NGF: variants seen among roughly 807,000 people sequenced by gnomAD.
The protein encoded by NGF is nerve growth factor.
A neutral mutation model predicts 12.8 loss-of-function variants in NGF; 4 were observed. That is an observed-to-expected ratio of 0.31 (90% confidence interval 0.15 to 0.72). The LOEUF is 0.72. NGF is among the 30% of genes least tolerant of loss of function. NGF has a pLI of 0.69. For missense variants in NGF, 283 were observed against 330.8 expected (o/e 0.86, Z 1.12); for synonymous variants, 140 against 130.0 (o/e 1.08, Z -0.52).
chr1:115,336,824 C>A (rs1242414349), intron 1 of NGF, among the ~76,000 whole-genome samples: 8 of 152,236 alleles, frequency 5.3e-5, no homozygotes, highest in African/African-American at 1.9e-4. Flanking sequence ...CTGATGGGGT[C>A]TCCACTGTCA....
At chr1:115,311,771 T>C (rs889670379) in intron 1 of NGF, among the ~76,000 whole-genome samples, 4 of 152,200 alleles carry the variant, frequency 2.6e-5, no homozygotes, top group Non-Finnish European at 5.9e-5. Context: ...TGCTGTCTGT[T>C]TACTGAGCAT....
At chr1:115,305,019 C>A (rs182194227) in intron 1 of NGF, among the ~76,000 whole-genome samples, 1 of 152,224 alleles carries the variant, frequency 6.6e-6, no homozygotes, top group East Asian at 1.9e-4. Flanking sequence ...TCGGCCTCCA[C>A]CTTAGGCTGT....
At position 115,291,721 on chromosome 1, in the gene NGF, C is replaced by T. The variant is rs185977989; in HGVS notation, c.-13+1906G>A. Among the ~76,000 whole-genome samples, 308 of 152,272 alleles carry T rather than the reference C, an allele frequency of 2.0e-3. 2 individuals carry two copies. Among genetic ancestry groups the T allele is most frequent in the African/African-American group, 7.1e-3 (293 of 41,554 alleles). ...CCAATAATAGGATAAATTTCTCGCACGAGGTGAATGATCTTCAAAGATTCT... is the reference window on the plus strand; with the variant it reads ...CCAATAATAGGATAAATTTCTCGCATGAGGTGAATGATCTTCAAAGATTCT... On this transcript the variant is annotated intron_variant, in intron 2 of 2. Transcript: ENST00000369512.
At position 115,286,112 on chromosome 1, in the gene NGF, G is replaced by A. The variant is rs549646930; in HGVS notation, c.684C>T (p.Ala228=). 3.1e-6 allele frequency: 5 copies of A among 1,613,534 alleles called. No homozygotes were observed. The African/African-American group carries it at 4.0e-5, about 13-fold the overall frequency. ...AAWRFIRIDT[A]CVCVLSRKAV... ...CCTTCCTGCTGAGCACACACACACA[G>A]GCCGTATCTATCCGGATAAACCGCC... Residue 228 remains alanine (A), a synonymous_variant, in exon 3 of 3, where the codon GCC becomes GCT. Transcript: ENST00000369512.
chr1:115,286,470 C>G lies in NGF; in HGVS notation c.326G>C (p.Gly109Ala), dbSNP rs1471459861. 6.2e-7 allele frequency: 1 copy of G among 1,613,756 alleles called. No individual in the cohort carries two copies. The highest frequency in any genetic ancestry group is 8.5e-7 in the Non-Finnish European group (1 of 1,179,942). ...DTQDLDFEVG[G>A]AAPFNRTHRS... ...GTGAGTCCTGTTGAAGGGGGCAGCA[C>G]CACCGACCTCGAAGTCCAGATCCTG... is the stretch of plus-strand genomic sequence containing the variant. Residue 109 changes from glycine (G) to alanine (A), a missense_variant, in exon 3 of 3, where the codon GGT becomes GCT. Gly to Ala is a moderately conservative substitution (Grantham distance 60). Around this residue, in one of 2 missense-constraint regions of NGF, gnomAD observed 132 missense variants for 189.2 expected, o/e 0.70. Coordinates refer to ENST00000369512, the MANE Select transcript of NGF (RefSeq NM_002506.3).
intron 1 of NGF, among the ~76,000 whole-genome samples, chr1:115,331,617 T>C (rs1001713181): frequency 5.9e-5 from 9 of 152,230 alleles, no homozygotes; most frequent in South Asian, 2.1e-4. Flanking sequence ...GTTTTGGCTT[T>C]TCTTGAAAAG....
In NGF at chr1:115,298,577, G is replaced by A. The variant is rs1243280154; in HGVS notation, c.-136-4827C>T. ...TCCTGGGCAGAAACTAGGAGAAAGG[G>A]GGCTGCGGCTGCCCTGGTATCTTTG... On this transcript the variant is annotated intron_variant, in intron 1 of 2. Transcript: ENST00000369512. 4.6e-5 allele frequency among the ~76,000 whole-genome samples: 7 copies of A among 151,808 alleles called. No homozygotes were observed. The East Asian group carries it at 1.2e-3, about 26-fold the overall frequency.
intron 1 of NGF, among the ~76,000 whole-genome samples, chr1:115,333,123 A>G (rs752145743): frequency 2.0e-5 from 3 of 152,296 alleles, no homozygotes; most frequent in African/African-American, 4.8e-5. Flanking sequence ...AGCTCTTGAG[A>G]CCATCCTCCC....
At chr1:115,302,432 C>T (rs1416491442) in intron 1 of NGF, among the ~76,000 whole-genome samples, 1 of 152,180 alleles carries the variant, frequency 6.6e-6, no homozygotes, top group Non-Finnish European at 1.5e-5. Context: ...TATGCTCCAG[C>T]CCAGCCGCTG....
At chr1:115,319,732 C>T (rs1179966450) in intron 1 of NGF, among the ~76,000 whole-genome samples, 1 of 152,180 alleles carries the variant, frequency 6.6e-6, no homozygotes, top group Non-Finnish European at 1.5e-5. Context: ...CTAAACCATG[C>T]CCTCAGCTGG....
At chr1:115,337,558 G>T (rs1380350144) in intron 1 of NGF, among the ~76,000 whole-genome samples, 2 of 152,086 alleles carry the variant, frequency 1.3e-5, no homozygotes, top group African/African-American at 4.8e-5. Context: ...GCGGCTCCGT[G>T]GAGGGCCCCG....
chr1:115,318,062 C>T (rs1654518115), intron 1 of NGF, among the ~76,000 whole-genome samples: 1 of 152,182 alleles, frequency 6.6e-6, no homozygotes, highest in Non-Finnish European at 1.5e-5. Flanking sequence ...TGCTCTCTCT[C>T]ATTTTCTGGC....
intron 1 of NGF, among the ~76,000 whole-genome samples, chr1:115,299,160 T>C (rs1653960584): frequency 6.6e-6 from 1 of 152,150 alleles, no homozygotes; most frequent in Non-Finnish European, 1.5e-5. Context: ...AAATAATACA[T>C]CTGGTACCAA....
chr1:115,314,499 A>C (rs1654419778), intron 1 of NGF, among the ~76,000 whole-genome samples: 2 of 152,232 alleles, frequency 1.3e-5, no homozygotes, highest in Admixed American at 6.5e-5. Flanking sequence ...GATTTAAGTC[A>C]CAAAATCTGT....
At chr1:115,324,064 A>G (rs1175002000) in intron 1 of NGF, among the ~76,000 whole-genome samples, 2 of 152,160 alleles carry the variant, frequency 1.3e-5, no homozygotes, top group Non-Finnish European at 2.9e-5. Context: ...ACTGGACATC[A>G]ACATCATTAT....
chr1:115,337,020 G>A (rs539495775), intron 1 of NGF, among the ~76,000 whole-genome samples: 1 of 152,148 alleles, frequency 6.6e-6, no homozygotes, highest in Non-Finnish European at 1.5e-5. Flanking sequence ...TTGGTTTCCA[G>A]CTGGGAACGT....
rs536865761 is a variant in NGF at position 115,292,822 on chromosome 1, T to C, written c.-13+805A>G. Among the ~76,000 whole-genome samples the C allele has an allele frequency of 2.0e-5, 3 of 152,306 alleles. No homozygotes were observed. The South Asian group carries it at 6.2e-4, about 32-fold the overall frequency. ...ATATTTAGATATTGAATTGTTTTCA[T>C]ATCTGCTTTGTTAGGTTTCTGGGCA... On this transcript the variant is annotated intron_variant, in intron 2 of 2. Coordinates refer to ENST00000369512, the MANE Select transcript of NGF (RefSeq NM_002506.3).
At chr1:115,333,665 CTTT>C (rs1557949102) in intron 1 of NGF, among the ~76,000 whole-genome samples, 2 of 42,280 alleles carry the variant, frequency 4.7e-5, no homozygotes, top group African/African-American at 5.5e-4. Context: ...CTCTTTCTTT[CTTT>C]CTTTCTTTCT....
chr1:115,311,212 G>T (rs1654327242), intron 1 of NGF, among the ~76,000 whole-genome samples: 1 of 152,154 alleles, frequency 6.6e-6, no homozygotes, highest in African/African-American at 2.4e-5. Flanking sequence ...TCTTAAAACT[G>T]ACTTTAGTCA....
Sources: gnomAD v4.1 joint callset for allele counts (sites outside exome capture counted in the v4.1 genomes callset) on GRCh38, gnomAD v4.1.1 for gene constraint, gnomAD v4.1.1 regional missense constraint, MANE v1.5 for transcripts, NCBI Gene and HGNC (gene_info 2026-07-23, HGNC 2026-07-21) for gene names.